UNC5C: variants seen among roughly 807,000 people sequenced by gnomAD.
The protein encoded by UNC5C is unc-5 netrin receptor C, also known as netrin receptor UNC5C.
A neutral mutation model predicts 99.8 loss-of-function variants in UNC5C; 47 were observed. The observed-to-expected ratio is 0.47, with a 90% CI of 0.37 to 0.60. The LOEUF (loss-of-function observed/expected upper bound fraction) is 0.60, where lower values mean the gene tolerates loss of function less well. Among genes scored for constraint, UNC5C ranks in the 20% least tolerant of loss-of-function variants. The pLI, the probability that UNC5C is intolerant of heterozygous loss-of-function variation, is 0.00. For synonymous variants in UNC5C, 487 were observed against 452.2 expected (o/e 1.08, Z -0.98); for missense variants, 1,062 against 1,165.9 (o/e 0.91, Z 1.30).
chr4:95,525,468 G>C (rs1722473324), intron 1 of UNC5C, among the ~76,000 whole-genome samples: 2 of 151,542 alleles, frequency 1.3e-5, no homozygotes, highest in Admixed American at 1.3e-4. Flanking sequence ...AATGATTTTT[G>C]TAAATCCCAC....
intron 1 of UNC5C, among the ~76,000 whole-genome samples, chr4:95,536,267 G>A (rs1477264444): frequency 6.6e-6 from 1 of 151,972 alleles, no homozygotes; most frequent in Non-Finnish European, 1.5e-5. Flanking sequence ...GTAGAGATGG[G>A]ATTTCACCAG....
intron 1 of UNC5C, among the ~76,000 whole-genome samples, chr4:95,411,743 A>G (rs1578148259): frequency 6.6e-6 from 1 of 152,214 alleles, no homozygotes; most frequent in Non-Finnish European, 1.5e-5. Flanking sequence ...AGTGATATTT[A>G]GGAGAATACA....
chr4:95,217,758 T>G (rs1349888369), intron 9 of UNC5C, among the ~76,000 whole-genome samples: 1 of 152,122 alleles, frequency 6.6e-6, no homozygotes, highest in African/African-American at 2.4e-5. Flanking sequence ...TGAGAACAAT[T>G]GTAATGTTTA....
intron 3 of UNC5C, among the ~76,000 whole-genome samples, chr4:95,291,764 ATTGT>A (rs1741464505): frequency 6.6e-6 from 1 of 152,098 alleles, no homozygotes; most frequent in Admixed American, 6.5e-5. Context: ...TAATTAATTT[ATTGT>A]TTAAATATTT....
In UNC5C at chr4:95,261,515, C is replaced by G. The variant is rs1740225310; in HGVS notation, c.595-10848G>C. On this transcript the variant is annotated intron_variant, in intron 4 of 15. Coordinates refer to ENST00000453304, the MANE Select transcript of UNC5C (RefSeq NM_003728.4). Reference sequence around the variant, plus strand: ...GACCTGGAGAAATAACAAACTAAATCATATAAAGTTTCCTAAAACATGGCA... The same window carrying G: ...GACCTGGAGAAATAACAAACTAAATGATATAAAGTTTCCTAAAACATGGCA... Among the ~76,000 whole-genome samples the G allele has an allele frequency of 1.3e-5, 2 of 152,062 alleles. 1 individual carries two copies. The highest frequency in any genetic ancestry group is 2.9e-5 in the Non-Finnish European group (2 of 68,006).
chr4:95,507,132 TC>T (rs2149486159), intron 1 of UNC5C, among the ~76,000 whole-genome samples: 1 of 152,094 alleles, frequency 6.6e-6, no homozygotes, highest in African/African-American at 2.4e-5. Flanking sequence ...AAGTTTTTAC[TC>T]TCATGAATTT....
intron 1 of UNC5C, among the ~76,000 whole-genome samples, chr4:95,466,083 G>C (rs1399640906): frequency 6.6e-6 from 1 of 152,138 alleles, no homozygotes; most frequent in Non-Finnish European, 1.5e-5. Flanking sequence ...CTTCAGCCCA[G>C]AGAAAAAGGA....
chr4:95,494,872 CATTA>C (rs1445145500), intron 1 of UNC5C, among the ~76,000 whole-genome samples: 1 of 151,222 alleles, frequency 6.6e-6, no homozygotes, highest in African/African-American at 2.4e-5. Context: ...TAATTGAAAA[CATTA>C]ATTGGGGAAA....
At chr4:95,453,821 G>C (rs1230917262) in intron 1 of UNC5C, among the ~76,000 whole-genome samples, 1 of 152,070 alleles carries the variant, frequency 6.6e-6, no homozygotes, top group Non-Finnish European at 1.5e-5. Flanking sequence ...AGAGTTTCCA[G>C]GAATTATTAC....
rs372276932 is a variant in UNC5C, at chr4:95,186,271, T to C, written c.2137-1075A>G. 1.8e-4 allele frequency among the ~76,000 whole-genome samples: 28 copies of C among 152,328 alleles called. 1 individual carries two copies. Among genetic ancestry groups the C allele is most frequent in the Admixed American group, 1.1e-3 (17 of 15,296 alleles). ...AAAAAGCAAAATATAATTTTTTCTT[T>C]GGTGCTATTTCAATAAAAAGCAGGG... is the stretch of plus-strand genomic sequence containing the variant. On this transcript the variant is annotated intron_variant, in intron 12 of 15. Transcript: ENST00000453304.
chr4:95,217,225 A>G (rs1359002986), intron 9 of UNC5C, among the ~76,000 whole-genome samples: 2 of 152,240 alleles, frequency 1.3e-5, no homozygotes, highest in Non-Finnish European at 2.9e-5. Context: ...GGAATATGCC[A>G]AATGAGCGTG....
At chr4:95,397,913 C>A (rs914934239) in intron 1 of UNC5C, among the ~76,000 whole-genome samples, 1 of 152,104 alleles carries the variant, frequency 6.6e-6, no homozygotes, top group African/African-American at 2.4e-5. Flanking sequence ...AGAGCAGTAG[C>A]ATTATTAATT....
chr4:95,383,145 A>G (rs1458238769), intron 1 of UNC5C, among the ~76,000 whole-genome samples: 1 of 152,220 alleles, frequency 6.6e-6, no homozygotes, highest in African/African-American at 2.4e-5. Context: ...GATAAGCACA[A>G]AAATAACAAA....
In UNC5C at chr4:95,520,320, A is replaced by G. The variant is rs532961375; in HGVS notation, c.124+28414T>C. 3.3e-5 allele frequency among the ~76,000 whole-genome samples: 5 copies of G among 152,342 alleles called. No individual in the cohort carries two copies. The South Asian group carries it at 1.0e-3, about 32-fold the overall frequency. On this transcript the variant is annotated intron_variant, in intron 1 of 15. Coordinates refer to ENST00000453304, the MANE Select transcript of UNC5C (RefSeq NM_003728.4). ...TACCGTAAGATTCAAATATAAGTCA[A>G]GAGTAAAATTCAACACTTAAACATT...
rs993770708 is a variant in UNC5C, at chr4:95,165,276, A to G, written c.*3958T>C. ...CTCCTGAAAATCGCTCTACTTTTTG[A>G]TAGTTGAGAGACTTAAATCTATAAA... On this transcript the variant is annotated 3_prime_UTR_variant, in exon 16 of 16. Coordinates refer to ENST00000453304, the MANE Select transcript of UNC5C (RefSeq NM_003728.4). 2 of 152,208 alleles carry G rather than the reference A, an allele frequency of 1.3e-5. No individual in the cohort carries two copies. The highest frequency in any genetic ancestry group is 4.8e-5 in the African/African-American group (2 of 41,432). 9.4% of individuals were successfully genotyped at this position (152,208 alleles called of 1,614,324 possible). A position where few individuals can be genotyped will look rare whatever the true frequency, so the allele number is the denominator to read the frequency against.
At chr4:95,529,580 G>C (rs1377970635) in intron 1 of UNC5C, among the ~76,000 whole-genome samples, 1 of 151,670 alleles carries the variant, frequency 6.6e-6, no homozygotes, top group Non-Finnish European at 1.5e-5. Flanking sequence ...TAAAAAATCA[G>C]CTAGGCAGGG....
chr4:95,203,006 A>G (rs970270587), intron 11 of UNC5C, 42 bp from the exon 12 acceptor site: 1 of 1,601,528 alleles, frequency 6.2e-7, no homozygotes, highest in African/African-American at 1.3e-5. Flanking sequence ...GTCACCCAGG[A>G]CGCATGCCGG....
intron 1 of UNC5C, among the ~76,000 whole-genome samples, chr4:95,371,003 A>G (rs1159444386): frequency 6.6e-6 from 1 of 152,198 alleles, no homozygotes; most frequent in Non-Finnish European, 1.5e-5. Flanking sequence ...GCCATTAGGA[A>G]GTTTTTAGGT....
intron 14 of UNC5C, among the ~76,000 whole-genome samples, chr4:95,171,543 C>G (rs1188517810): frequency 2.0e-5 from 3 of 152,016 alleles, no homozygotes; most frequent in Non-Finnish European, 4.4e-5. Context: ...CCAATTTCAC[C>G]CATGTCCCTA....
Sources: allele counts gnomAD v4.1 joint callset (sites outside exome capture counted in the v4.1 genomes callset), GRCh38; gene constraint gnomAD v4.1.1; transcripts MANE v1.5; gene names NCBI Gene and HGNC (gene_info 2026-07-23, HGNC 2026-07-21).